The following FBN2 variants were observed in gnomAD, a reference collection of about 807,000 sequenced individuals.
FBN2 encodes the protein fibrillin 2.
FBN2 carries 105 observed loss-of-function variants against 355.6 expected under a neutral mutation model. The ratio of observed to expected loss-of-function variants is 0.30; its 90% CI spans 0.25 to 0.35. FBN2 has a LOEUF of 0.35. FBN2 is among the 10% of genes least tolerant of loss of function. FBN2 has a pLI of 1.00. For synonymous variants in FBN2, 1,350 were observed against 1,301.2 expected (o/e 1.04, Z -0.81); for missense variants, 3,280 against 3,758.7 (o/e 0.87, Z 3.33).
Position 128,273,965 on chromosome 5 carries a change from T to C in FBN2, c.7715A>G (p.Asn2572Ser), listed in dbSNP as rs538633892. The change falls in exon 61 of 65, where the codon AAC (asparagine) becomes AGC (serine). Residue 2572 changes from asparagine to serine, a missense_variant. Around this residue, in one of 6 missense-constraint regions of FBN2, gnomAD observed 2,284 missense variants for 2,749.5 expected, o/e 0.83. Transcript: ENST00000262464. ...CGAAGGTTGAGACCCACATTCGTTG[T>C]TGTCTGGCAAAGCATCAAGAAGCAG... Reference protein sequence around the residue: ...FTQHHTACIDNNECGSQPSLC... With the variant: ...FTQHHTACIDSNECGSQPSLC... 5 of 1,613,940 alleles carry C rather than the reference T, an allele frequency of 3.1e-6. No individual in the cohort carries two copies. The highest frequency in any genetic ancestry group is 2.2e-5 in the East Asian group (1 of 44,852).
At chr5:128,272,218 A>T (rs1765285323) in intron 61 of FBN2, 100 bp from the exon 62 acceptor site, 2 of 1,329,512 alleles carry the variant, frequency 1.5e-6, no homozygotes. Flanking sequence ...CATGGGAACA[A>T]ACAAACAAAC....
In FBN2 at chr5:128,519,319, G is replaced by C. The variant is rs770364234; in HGVS notation, c.582C>G (p.Asn194Lys). ...TGAACCCATAAACACAAGCACAGCG[G>C]TTGGGTCCGATGCAACGTCCACCAT... ...CQNGGRCIGP[N>K]RCACVYGFTG... is the part of the protein sequence containing the mutation. Residue 194 changes from asparagine (N) to lysine (K), a missense_variant, in exon 5 of 65, where the codon AAC becomes AAG. This residue lies in a region of FBN2 where 130 missense variants were observed against 189.9 expected (regional missense o/e 0.68). Transcript: ENST00000262464. The C allele has an allele frequency of 6.2e-7, 1 of 1,613,862 alleles. No individual in the cohort carries two copies. The highest frequency in any genetic ancestry group is 8.5e-7 in the Non-Finnish European group (1 of 1,179,990).
At chr5:128,359,718 C>G (rs1322449073) in intron 19 of FBN2, among the ~76,000 whole-genome samples, 1 of 152,064 alleles carries the variant, frequency 6.6e-6, no homozygotes, top group African/African-American at 2.4e-5. Flanking sequence ...CTAACCCTCA[C>G]TGTTGCCTGA....
In FBN2 at chr5:128,290,814, G is replaced by A. The variant is rs1163435811; in HGVS notation, c.6363C>T (p.Thr2121=). ...TACTACAGCAGCATTTTGCTTTTGT[G>A]GTGTTGAAAGCTTTGGGTACAGAAC... is the stretch of plus-strand genomic sequence containing the variant. The part of the protein sequence containing the change: ...GKCSVPKAFN[T]TKAKCCCSKM... Residue 2121 remains threonine (T), a synonymous_variant, in exon 50 of 65, where the codon ACC becomes ACT. Transcript: ENST00000262464. 1.2e-6 allele frequency: 2 copies of A among 1,613,932 alleles called. No homozygotes were observed. Among genetic ancestry groups the A allele is most frequent in the Non-Finnish European group, 1.7e-6 (2 of 1,179,864 alleles).
At chr5:128,494,270 G>C (rs562562120) in intron 5 of FBN2, among the ~76,000 whole-genome samples, 1 of 152,122 alleles carries the variant, frequency 6.6e-6, no homozygotes, top group Non-Finnish European at 1.5e-5. Context: ...CTTTCCAAAG[G>C]AACTGACTTT....
intron 6 of FBN2, 53 bp downstream of exon 6, chr5:128,464,671 A>T (rs1581320013): frequency 6.3e-7 from 1 of 1,589,112 alleles, no homozygotes; most frequent in African/African-American, 1.3e-5. Flanking sequence ...AACTCCAACA[A>T]AAAGAGAAGT....
chr5:128,537,521 C>T lies in FBN2; in HGVS notation c.83G>A (p.Gly28Asp), dbSNP rs1040280257. The T allele has an allele frequency of 3.8e-6, 6 of 1,576,532 alleles. No individual in the cohort carries two copies. The highest frequency in any genetic ancestry group is 3.4e-6 in the Non-Finnish European group (4 of 1,164,358). The change falls in exon 1 of 65, where the codon GGC becomes GAC. Residue 28 changes from glycine to aspartate, a missense_variant. Transcript: ENST00000262464. The stretch of plus-strand genomic sequence containing the variant: ...CTTGGGCGGAGGAGGCTGAGGCTGG[C>T]CGGCCGTGCCCTGCGCCCAGAGCAC... ...CVVLWAQGTA[G>D]QPQPPPPKPP...
intron 20 of FBN2, among the ~76,000 whole-genome samples, chr5:128,351,233 A>T (rs1051559046): frequency 6.6e-6 from 1 of 152,194 alleles, no homozygotes; most frequent in South Asian, 2.1e-4. Flanking sequence ...GGAAAAAAAA[A>T]AAAAAGAATA....
intron 5 of FBN2, among the ~76,000 whole-genome samples, chr5:128,500,645 C>G (rs1755786036): frequency 6.6e-6 from 1 of 151,626 alleles, no homozygotes; most frequent in Non-Finnish European, 1.5e-5. Flanking sequence ...GGAGTTTCAC[C>G]ATGTTAGCCA....
At chr5:128,346,059 AG>A (rs1026744578) in intron 23 of FBN2, among the ~76,000 whole-genome samples, 5 of 152,140 alleles carry the variant, frequency 3.3e-5, no homozygotes, top group African/African-American at 1.2e-4. Context: ...TTACATTTAA[AG>A]TTTTTTTTTT....
intron 48 of FBN2, among the ~76,000 whole-genome samples, chr5:128,298,830 C>T (rs1172227613): frequency 6.6e-6 from 1 of 152,240 alleles, no homozygotes; most frequent in African/African-American, 2.4e-5. Context: ...GCCTTCTTCT[C>T]TCAGCTCGTC....
At chr5:128,500,938 G>A (rs1000112136) in intron 5 of FBN2, among the ~76,000 whole-genome samples, 1 of 152,202 alleles carries the variant, frequency 6.6e-6, no homozygotes, top group Non-Finnish European at 1.5e-5. Flanking sequence ...AAACTGGACA[G>A]TGAAGACAGA....
chr5:128,489,061 C>T (rs1202420011), intron 5 of FBN2, among the ~76,000 whole-genome samples: 3 of 151,940 alleles, frequency 2.0e-5, no homozygotes, highest in Non-Finnish European at 4.4e-5. Flanking sequence ...TTCTAGATCC[C>T]TGAGGAATCG....
rs114578761 is a variant in FBN2 at position 128,342,182 on chromosome 5, C to T, written c.3343+2203G>A. On this transcript the variant is annotated intron_variant, in intron 25 of 64. Transcript: ENST00000262464. The stretch of plus-strand genomic sequence containing the variant: ...GTAGATGAAACTCTGAGAGGCAAGA[C>T]GCTGAGTAGAGGACTCTGGCAACAC... Among the ~76,000 whole-genome samples the T allele has an allele frequency of 9.1e-3, 1,387 of 152,078 alleles. 7 individuals carry two copies. The highest frequency in any genetic ancestry group is 0.012 in the Non-Finnish European group (804 of 68,004).
intron 34 of FBN2, among the ~76,000 whole-genome samples, chr5:128,320,228 T>G (rs893288714): frequency 6.6e-6 from 1 of 152,120 alleles, no homozygotes; most frequent in Admixed American, 6.5e-5. Flanking sequence ...TGCATTTTTT[T>G]TTTTTTCAGA....
At chr5:128,261,643 A>C in intron 64 of FBN2, 93 bp downstream of exon 64, 1 of 1,094,510 alleles carries the variant, frequency 9.1e-7, no homozygotes, top group East Asian at 2.4e-5. Flanking sequence ...GGTATGATTA[A>C]CTTCAGTGAG....
chr5:128,479,960 CTCTCTCTCTCTCTCTCTATATA>C (rs1217339590), intron 5 of FBN2, among the ~76,000 whole-genome samples: 29 of 37,304 alleles, frequency 7.8e-4, no homozygotes, highest in Non-Finnish European at 1.3e-3. Context: ...CTCTCTCTCT[CTCTCTCTCTCTCTCTCTATATA>C]TATATATATA....
chr5:128,518,248 T>C (rs1756339769), intron 5 of FBN2, among the ~76,000 whole-genome samples: 1 of 151,546 alleles, frequency 6.6e-6, no homozygotes, highest in Non-Finnish European at 1.5e-5. Context: ...AACATAAATA[T>C]TCCCATGATC....
At chr5:128,428,427 C>T (rs1390491216) in intron 7 of FBN2, among the ~76,000 whole-genome samples, 2 of 152,190 alleles carry the variant, frequency 1.3e-5, no homozygotes, top group Non-Finnish European at 2.9e-5. Context: ...CTCCTTAGTG[C>T]TCAGCTCCAG....
Sources: allele counts gnomAD v4.1 joint callset (sites outside exome capture counted in the v4.1 genomes callset), GRCh38; gene constraint gnomAD v4.1.1; regional missense constraint gnomAD v4.1.1; transcripts MANE v1.5; gene names NCBI Gene and HGNC (gene_info 2026-07-23, HGNC 2026-07-21).